Variants in USH1C observed in about 807,000 individuals in gnomAD.
USH1C encodes harmonin.
Under a neutral mutation model 119.3 loss-of-function variants are expected in USH1C, and 90 were observed. The ratio of observed to expected loss-of-function variants is 0.75; its 90% CI spans 0.64 to 0.90. The LOEUF (loss-of-function observed/expected upper bound fraction) is 0.90. Among genes scored for constraint, USH1C ranks in the 40% least tolerant of loss-of-function variants. The pLI, the probability that USH1C is intolerant of heterozygous loss-of-function variation, is 0.00. For synonymous variants in USH1C, 465 were observed against 443.3 expected (o/e 1.05, Z -0.62); for missense variants, 1,165 against 1,167.7 (o/e 1.00, Z 0.03).
intron 14 of USH1C, 117 bp from the exon 15 acceptor site, chr11:17,516,407 T>C (rs941215612): frequency 7.6e-6 from 8 of 1,057,394 alleles, no homozygotes; most frequent in Admixed American, 6.0e-5. Context: ...ATAAACAGCA[T>C]TGGCAGATCC....
Position 17,526,522 on chromosome 11 carries a change from G to T in USH1C, c.580-81C>A, listed in dbSNP as rs564105101. 701 of 1,286,416 alleles carry T rather than the reference G, an allele frequency of 5.4e-4. 6 individuals are homozygous for T. In the Middle Eastern group the frequency reaches 6.9e-3, roughly 13 times the overall value. The allele number at this position is 1,286,416 out of a possible 1,614,324, so 79.7% of individuals were successfully genotyped here. A position where few individuals can be genotyped will look rare whatever the true frequency, so the allele number is the denominator to read the frequency against. On this transcript the variant is annotated intron_variant, in intron 7 of 26. Coordinates refer to ENST00000005226, the MANE Select transcript of USH1C (RefSeq NM_153676.4). The stretch of plus-strand genomic sequence containing the variant: ...CTTGAGCTTGTGGGATCTGCAGGGC[G>T]AGCACTGCTGAACTCACGCCAGCCA...
intron 24 of USH1C, 198 bp from the exon 25 acceptor site, chr11:17,497,011 G>A: frequency 3.4e-6 from 2 of 583,966 alleles, no homozygotes; most frequent in Non-Finnish European, 6.1e-6. Flanking sequence ...GACCATAGAG[G>A]ACAGGGCTGC....
intron 1 of USH1C, among the ~76,000 whole-genome samples, chr11:17,541,230 A>T (rs1851454155): frequency 6.6e-6 from 1 of 152,108 alleles, no homozygotes; most frequent in Admixed American, 6.6e-5. Flanking sequence ...ATTTATCACT[A>T]TCTGGCATTG....
At chr11:17,503,256 C>T (rs1221219598) in intron 20 of USH1C, among the ~76,000 whole-genome samples, 2 of 152,196 alleles carry the variant, frequency 1.3e-5, no homozygotes, top group East Asian at 1.9e-4. Context: ...AGTCGATGCT[C>T]TTTGACTTTG....
In USH1C at chr11:17,511,858, T is replaced by C. The variant is rs747921584; in HGVS notation, c.1413+44A>G. The stretch of plus-strand genomic sequence containing the variant: ...GGGAGCACATGGAGAACGACCACAT[T>C]GTGTCCCAGGGTTGCTTGCCTGGCC... On this transcript the variant is annotated intron_variant, in intron 16 of 26. Transcript: ENST00000005226. 1.9e-6 allele frequency: 3 copies of C among 1,591,966 alleles called. No homozygotes were observed. The East Asian group carries it at 6.7e-5, about 36-fold the overall frequency.
At position 17,509,681 on chromosome 11, in the gene USH1C, A is replaced by C; in HGVS notation, c.1688T>G (p.Val563Gly). ...YPPKTPSALPVMPHPPPSNPP... is the reference protein window; with the variant it reads ...YPPKTPSALPGMPHPPPSNPP... ...GTTGGAGGGTGGAGGGTGGGGCATC[A>C]CAGGCAAGGCAGAGGGAGTCTTGGG... Residue 563 changes from valine (V) to glycine (G), a missense_variant, in exon 18 of 27, where the codon GTG becomes GGG. Coordinates refer to ENST00000005226, the MANE Select transcript of USH1C (RefSeq NM_153676.4). 3.1e-6 allele frequency: 5 copies of C among 1,597,494 alleles called. No homozygotes were observed. The highest frequency in any genetic ancestry group is 4.2e-6 in the Non-Finnish European group (5 of 1,178,110).
At chr11:17,525,702 A>G (rs115477430) in intron 8 of USH1C, among the ~76,000 whole-genome samples, 3,843 of 152,328 alleles carry the variant, frequency 0.025, 167 homozygotes, top group African/African-American at 0.087. Flanking sequence ...TAAGGAAGCC[A>G]ACAAGTTAAT....
intron 15 of USH1C, among the ~76,000 whole-genome samples, chr11:17,513,082 G>A (rs948008832): frequency 2.6e-5 from 4 of 152,182 alleles, no homozygotes; most frequent in South Asian, 4.1e-4. Context: ...GGCTCAGAGA[G>A]GTAAAGTCCC....
intron 15 of USH1C, among the ~76,000 whole-genome samples, chr11:17,515,065 T>TTGTG (rs61540326): frequency 0.49 from 73,611 of 150,278 alleles, 18,806 homozygotes; most frequent in East Asian, 0.63. Flanking sequence ...GTGTGTGTGC[T>TTGTG]TGTGTGTGTG....
In USH1C at chr11:17,527,264, T is replaced by C; in HGVS notation, c.455A>G (p.Asn152Ser). The change falls in exon 5 of 27, where the codon AAC becomes AGC. Residue 152 changes from asparagine to serine, a missense_variant. Physicochemically the swap from Asn to Ser is conservative, Grantham distance 46 (BLOSUM62 1). Transcript: ENST00000005226. The part of the protein sequence containing the change: ...ISSCTHEEVI[N>S]LIRTKKTVSI... ...CACAGTTTTCTTGGTTCGAATGAGG[T>C]TGATGACCTCCTCATGGGTACAGGA... 1.2e-6 allele frequency: 2 copies of C among 1,607,662 alleles called. No individual in the cohort carries two copies. Among genetic ancestry groups the C allele is most frequent in the Non-Finnish European group, 1.7e-6 (2 of 1,177,604 alleles).
rs1850566068 is a variant in USH1C at position 17,524,454 on chromosome 11, C to T, written c.756G>A (p.Leu252=). The T allele has an allele frequency of 6.4e-7, 1 of 1,571,740 alleles. No homozygotes were observed. The highest frequency in any genetic ancestry group is 8.6e-7 in the Non-Finnish European group (1 of 1,157,002). Residue 252 remains leucine, a synonymous_variant, in exon 9 of 27, where the codon TTG becomes TTA. Transcript: ENST00000005226. Reference sequence around the variant, plus strand: ...GGGCCGGCCCAGCGTCACTCACCTCCAATCCCACCTCAGCAGACAGGGAGC... The same window carrying T: ...GGGCCGGCCCAGCGTCACTCACCTCTAATCCCACCTCAGCAGACAGGGAGC... ...KPGSLSAEVG[L]EIGDQIVEVN...
intron 20 of USH1C, among the ~76,000 whole-genome samples, chr11:17,503,144 C>T (rs1240660617): frequency 1.3e-5 from 2 of 152,226 alleles, no homozygotes; most frequent in South Asian, 2.1e-4. Flanking sequence ...GCCATGAGCT[C>T]GGCTCAGCTT....
chr11:17,522,680 G>T (rs1269259932), intron 12 of USH1C, 104 bp downstream of exon 12: 1 of 1,548,208 alleles, frequency 6.5e-7, no homozygotes, highest in African/African-American at 1.4e-5. Flanking sequence ...CTCCAGGGAG[G>T]AGGAGGAAGT....
intron 4 of USH1C, among the ~76,000 whole-genome samples, chr11:17,527,610 G>A (rs1000128507): frequency 2.0e-5 from 3 of 152,208 alleles, no homozygotes; most frequent in African/African-American, 7.2e-5. Context: ...GCTGGGAGAA[G>A]ATCTCAGAAC....
At position 17,544,389 on chromosome 11, in the gene USH1C, C is replaced by T; in HGVS notation, c.-82G>A. 1 of 1,598,680 alleles carries T rather than the reference C, an allele frequency of 6.3e-7. No homozygotes were observed. The highest frequency in any genetic ancestry group is 8.5e-7 in the Non-Finnish European group (1 of 1,169,958). On this transcript the variant is annotated 5_prime_UTR_variant, in exon 1 of 27. Coordinates refer to ENST00000005226, the MANE Select transcript of USH1C (RefSeq NM_153676.4). ...GCCAGGAGCTGGAAAGAGCCGCGACCGCGACCGGGCCAGCCGCCCTCGGAG... is the reference window on the plus strand; with the variant it reads ...GCCAGGAGCTGGAAAGAGCCGCGACTGCGACCGGGCCAGCCGCCCTCGGAG...
intron 1 of USH1C, among the ~76,000 whole-genome samples, chr11:17,542,146 A>G (rs182919766): frequency 6.6e-6 from 1 of 152,350 alleles, no homozygotes; most frequent in East Asian, 1.9e-4. Flanking sequence ...AGGCACAGAG[A>G]GATTAAGTAA....
In USH1C at chr11:17,525,018, T is replaced by C. The variant is rs186927922; in HGVS notation, c.675-483A>G. Among the ~76,000 whole-genome samples, 600 of 152,290 alleles carry C rather than the reference T, an allele frequency of 3.9e-3. 6 individuals are homozygous for C. Among genetic ancestry groups the C allele is most frequent in the African/African-American group, 0.014 (574 of 41,566 alleles). ...CACCATGCCTGGCTCAGATCCCTTA[T>C]TCTATCCCAAGACTAAACTAGCCGC... is the stretch of plus-strand genomic sequence containing the variant. On this transcript the variant is annotated intron_variant, in intron 8 of 26. Transcript: ENST00000005226.
In USH1C at chr11:17,523,486, G is replaced by A; in HGVS notation, c.760-8C>T. ...GACAATCTGGTCCCCTATCTGGTGGGGAAATGGAGAAAGATTAGTGTGTTT... is the reference window on the plus strand; with the variant it reads ...GACAATCTGGTCCCCTATCTGGTGGAGAAATGGAGAAAGATTAGTGTGTTT... On this transcript the variant is annotated splice_polypyrimidine_tract_variant and splice_region_variant and intron_variant, in intron 9 of 26. Transcript: ENST00000005226. The A allele has an allele frequency of 6.2e-7, 1 of 1,614,102 alleles. No individual in the cohort carries two copies. Among genetic ancestry groups the A allele is most frequent in the Non-Finnish European group, 8.5e-7 (1 of 1,179,986 alleles).
chr11:17,522,753 G>A, intron 12 of USH1C, 31 bp downstream of exon 12: 1 of 1,613,498 alleles, frequency 6.2e-7, no homozygotes, highest in Non-Finnish European at 8.5e-7. Flanking sequence ...GTGGGAGGCG[G>A]GACAGGGCAT....
Sources: gnomAD v4.1 joint callset for allele counts (sites outside exome capture counted in the v4.1 genomes callset) on GRCh38, gnomAD v4.1.1 for gene constraint, MANE v1.5 for transcripts, NCBI Gene and HGNC (gene_info 2026-07-23, HGNC 2026-07-21) for gene names.